Variants in UST observed in about 807,000 individuals in gnomAD.
UST encodes the protein chondroitin sulfate 2-O-sulfotransferase.
In UST, 21 loss-of-function variants were observed where a neutral mutation model predicts 45.6. The ratio of observed to expected loss-of-function variants is 0.46; its 90% CI spans 0.33 to 0.66. The LOEUF (loss-of-function observed/expected upper bound fraction) is 0.66, where lower values mean the gene tolerates loss of function less well. Among genes scored for constraint, UST ranks in the 30% least tolerant of loss-of-function variants. The pLI is 0.02. For missense variants in UST, 463 were observed against 512.4 expected (o/e 0.90, Z 0.93); for synonymous variants, 215 against 200.6 (o/e 1.07, Z -0.61).
At chr6:148,757,846 A>G (rs994834850) in intron 1 of UST, among the ~76,000 whole-genome samples, 1 of 152,250 alleles carries the variant, frequency 6.6e-6, no homozygotes, top group Non-Finnish European at 1.5e-5. Context: ...ATCAGGCAGT[A>G]GGAAGGATAT....
intron 5 of UST, among the ~76,000 whole-genome samples, chr6:148,999,430 CA>C (rs1171672478): frequency 2.0e-5 from 3 of 152,190 alleles, no homozygotes; most frequent in Non-Finnish European, 2.9e-5. Flanking sequence ...AATTCTGATA[CA>C]GAATATGTAG....
At chr6:148,811,406 A>G (rs912096331) in intron 1 of UST, among the ~76,000 whole-genome samples, 3 of 152,198 alleles carry the variant, frequency 2.0e-5, no homozygotes, top group Non-Finnish European at 4.4e-5. Context: ...GCCCAGATTC[A>G]AAAAATGAGG....
At chr6:148,916,965 T>C (rs1779602475) in intron 2 of UST, among the ~76,000 whole-genome samples, 1 of 152,188 alleles carries the variant, frequency 6.6e-6, no homozygotes, top group Non-Finnish European at 1.5e-5. Flanking sequence ...AAGCCCTCCT[T>C]CCCTTCCTCC....
At chr6:148,760,238 C>T (rs570053912) in intron 1 of UST, among the ~76,000 whole-genome samples, 1 of 152,292 alleles carries the variant, frequency 6.6e-6, no homozygotes, top group Non-Finnish European at 1.5e-5. Context: ...CAGAATGTCC[C>T]CAGGAAGTCC....
At chr6:148,779,059 G>C (rs1459614300) in intron 1 of UST, among the ~76,000 whole-genome samples, 1 of 151,894 alleles carries the variant, frequency 6.6e-6, no homozygotes. Flanking sequence ...TGCCGCTGTG[G>C]GACTTCTCTC....
intron 1 of UST, among the ~76,000 whole-genome samples, chr6:148,788,262 C>G (rs548458610): frequency 1.3e-5 from 2 of 152,246 alleles, no homozygotes; most frequent in Admixed American, 6.5e-5. Flanking sequence ...CCTCCCACAA[C>G]ACATGGGAAT....
At chr6:148,862,856 C>T (rs954229934) in intron 1 of UST, among the ~76,000 whole-genome samples, 6 of 152,202 alleles carry the variant, frequency 3.9e-5, no homozygotes, top group African/African-American at 9.6e-5. Context: ...AGAGTTTCTG[C>T]CAAGAGACCA....
chr6:149,019,283 GC>G (rs1220127186), intron 6 of UST, 47 bp downstream of exon 6: 1 of 1,444,194 alleles, frequency 6.9e-7, no homozygotes, highest in Admixed American at 1.7e-5. Context: ...CACAACAAGG[GC>G]AAGAACCCCA....
intron 1 of UST, among the ~76,000 whole-genome samples, chr6:148,840,657 A>G (rs1218199071): frequency 6.6e-6 from 1 of 152,120 alleles, no homozygotes; most frequent in Non-Finnish European, 1.5e-5. Context: ...AGAATATTGT[A>G]TTTTCAATCC....
At position 148,786,861 on chromosome 6, in the gene UST, A is replaced by C. The variant is rs2114697091; in HGVS notation, c.247+39184A>C. Among the ~76,000 whole-genome samples, 2 of 152,264 alleles carry C rather than the reference A, an allele frequency of 1.3e-5. 1 individual carries two copies. Among genetic ancestry groups the C allele is most frequent in the South Asian group, 4.1e-4 (2 of 4,826 alleles). ...GTAAAAACATTCCTTTTTCTCCACA[A>C]CTTCACTAGCATCTGTTATTTTTTG... On this transcript the variant is annotated intron_variant, in intron 1 of 7. Coordinates refer to ENST00000367463, the MANE Select transcript of UST (RefSeq NM_005715.3).
In UST at chr6:148,949,434, T is replaced by TA. The variant is rs1399589168; in HGVS notation, c.448-4437dup. On this transcript the variant is annotated intron_variant, in intron 3 of 7. Coordinates refer to ENST00000367463, the MANE Select transcript of UST (RefSeq NM_005715.3). ...ATAATAATAATAATAATAATAATAA[T>TA]ATTACTTATTCATGGGGTTCTTGTG... 3.7e-3 allele frequency among the ~76,000 whole-genome samples: 211 copies of TA among 56,662 alleles called. 3 individuals carry two copies. The South Asian group carries it at 0.072, about 19-fold the overall frequency. 37.2% of individuals were successfully genotyped at this position (56,662 alleles called of 152,430 possible).
At chr6:148,847,091 AC>A (rs1398491055) in intron 1 of UST, among the ~76,000 whole-genome samples, 9 of 152,374 alleles carry the variant, frequency 5.9e-5, no homozygotes, top group Non-Finnish European at 1.3e-4. Context: ...TCGACCTCTG[AC>A]CTGCTATCTT....
chr6:149,035,188 T>C (rs1456478923), intron 7 of UST, among the ~76,000 whole-genome samples: 1 of 152,222 alleles, frequency 6.6e-6, no homozygotes, highest in Non-Finnish European at 1.5e-5. Flanking sequence ...CCTCAATTTG[T>C]ATTCCAGCCA....
chr6:148,843,567 T>G (rs2114776105), intron 1 of UST, among the ~76,000 whole-genome samples: 1 of 152,328 alleles, frequency 6.6e-6, no homozygotes, highest in South Asian at 2.1e-4. Context: ...ATCATGAAGG[T>G]AACTCTCTTC....
chr6:149,017,384 AAC>A (rs1491538146), intron 5 of UST, among the ~76,000 whole-genome samples: 1 of 152,056 alleles, frequency 6.6e-6, no homozygotes, highest in Admixed American at 6.5e-5. Context: ...CAAAAAAAAA[AAC>A]AAAAAAAGTA....
At chr6:148,878,231 T>C (rs1324239191) in intron 1 of UST, among the ~76,000 whole-genome samples, 1 of 91,942 alleles carries the variant, frequency 1.1e-5, no homozygotes, top group Non-Finnish European at 2.1e-5. Context: ...GCGGGGGTCG[T>C]GTATGAGTGC....
rs1779991061 is a variant in UST at position 148,934,920 on chromosome 6, G to A, written c.292-6359G>A. 6.6e-6 allele frequency among the ~76,000 whole-genome samples: 1 copy of A among 152,200 alleles called. No homozygotes were observed. Among genetic ancestry groups the A allele is most frequent in the Non-Finnish European group, 1.5e-5 (1 of 68,040 alleles). Reference sequence around the variant, plus strand: ...CTTGTACTATATTAAGTATCATTTTGCAGAGAATTAAAAGCAGCACTGATG... The same window carrying A: ...CTTGTACTATATTAAGTATCATTTTACAGAGAATTAAAAGCAGCACTGATG... On this transcript the variant is annotated intron_variant, in intron 2 of 7. Transcript: ENST00000367463. The surrounding 1 kb of genome is among the most constrained non-coding windows in gnomAD (Gnocchi z 4.1).
At chr6:148,848,814 A>G (rs773856970) in intron 1 of UST, among the ~76,000 whole-genome samples, 3 of 152,202 alleles carry the variant, frequency 2.0e-5, no homozygotes, top group Non-Finnish European at 4.4e-5. Context: ...AGGAGGCTGC[A>G]AAGTTTCCAT....
intron 7 of UST, among the ~76,000 whole-genome samples, chr6:149,030,498 A>G (rs1776123687): frequency 1.3e-5 from 2 of 151,828 alleles, no homozygotes; most frequent in African/African-American, 4.8e-5. Context: ...AATTAAAATT[A>G]AATATATAGT....
Sources: gnomAD v4.1 joint callset for allele counts (sites outside exome capture counted in the v4.1 genomes callset) on GRCh38, gnomAD v4.1.1 for gene constraint, Gnocchi (gnomAD v3.1) non-coding constraint, MANE v1.5 for transcripts, NCBI Gene and HGNC (gene_info 2026-07-23, HGNC 2026-07-21) for gene names.